Variants in GRHL2 observed in about 807,000 individuals in gnomAD.
GRHL2 encodes the protein grainyhead-like protein 2 homolog.
Under a neutral mutation model 83.8 loss-of-function variants are expected in GRHL2, and 21 were observed. The ratio of observed to expected loss-of-function variants is 0.25; its 90% confidence interval spans 0.18 to 0.36. The LOEUF (loss-of-function observed/expected upper bound fraction) is 0.36. GRHL2 is among the 10% of genes least tolerant of loss of function. The pLI is 1.00. For synonymous variants in GRHL2, 280 were observed against 278.9 expected, an observed-to-expected ratio of 1.00 and a Z score of -0.04; for missense variants, 623 against 781.8, an observed-to-expected ratio of 0.80 and a Z score of 2.42.
At chr8:101,677,405 A>G in the GRHL2 span, among the ~76,000 whole-genome samples, 1 of 151,854 alleles carries the variant, frequency 6.6e-6, no homozygotes, top group South Asian at 2.1e-4. Flanking sequence ...TTCTTTGCTA[A>G]TAACCCCGAC....
At chr8:101,549,854 A>G (rs1331916535) in intron 2 of GRHL2, among the ~76,000 whole-genome samples, 2 of 151,660 alleles carry the variant, frequency 1.3e-5, no homozygotes, top group African/African-American at 4.8e-5. Context: ...TCTGTCCTCT[A>G]GGCTTCCAGA....
In GRHL2 at chr8:101,592,972, A is replaced by T. The variant is rs547036637; in HGVS notation, c.1004-6085A>T. ...TCTTTTTGTTGTTGTTGTTGTTGAGATGGAGTCTCTGTCACCCAAGCTGGA... is the reference window on the plus strand; with the variant it reads ...TCTTTTTGTTGTTGTTGTTGTTGAGTTGGAGTCTCTGTCACCCAAGCTGGA... On this transcript the variant is annotated intron_variant, in intron 7 of 15. Transcript: ENST00000646743. Among the ~76,000 whole-genome samples the T allele has an allele frequency of 2.0e-4, 31 of 152,194 alleles. No homozygotes were observed. The South Asian group carries it at 6.4e-3, about 32-fold the overall frequency.
chr8:101,623,662 G>A (rs1813009460), intron 9 of GRHL2, among the ~76,000 whole-genome samples: 1 of 152,148 alleles, frequency 6.6e-6, no homozygotes, highest in Non-Finnish European at 1.5e-5. Context: ...ACAGTTCACA[G>A]TACACAGTAG....
At chr8:101,654,919 A>C (rs1486607866) in intron 14 of GRHL2, among the ~76,000 whole-genome samples, 2 of 152,212 alleles carry the variant, frequency 1.3e-5, no homozygotes, top group Admixed American at 6.5e-5. Flanking sequence ...GTAGTGGCTC[A>C]CACCTGTAAT....
chr8:101,536,885 G>T (rs1034542646), intron 1 of GRHL2, among the ~76,000 whole-genome samples: 1 of 152,064 alleles, frequency 6.6e-6, no homozygotes, highest in Admixed American at 6.6e-5. Context: ...ACTAAGCCTA[G>T]TACCCAATAG....
chr8:101,669,327 C>T lies in GRHL2; in HGVS notation c.*2624C>T, dbSNP rs1814158191. ...CTCATACATCTCCAAATTGTTTAAA[C>T]TTACTTTATGAGTGTTTGTTTAGAA... On this transcript the variant is annotated 3_prime_UTR_variant, in exon 16 of 16. Transcript: ENST00000646743. 1 of 142,158 alleles carries T rather than the reference C, an allele frequency of 7.0e-6. No individual in the cohort carries two copies. The highest frequency in any genetic ancestry group is 7.2e-5 in the Admixed American group (1 of 13,938). 8.8% of individuals were successfully genotyped at this position (142,158 alleles called of 1,614,324 possible).
chr8:101,652,309 AGT>A (rs1028281527), intron 14 of GRHL2, among the ~76,000 whole-genome samples: 6 of 139,318 alleles, frequency 4.3e-5, no homozygotes, highest in Admixed American at 1.5e-4. Flanking sequence ...GTATATTGGT[AGT>A]GTGTGTGCGT....
chr8:101,605,983 T>TTTCTG (rs1367484736), intron 8 of GRHL2, among the ~76,000 whole-genome samples: 2 of 152,236 alleles, frequency 1.3e-5, no homozygotes, highest in African/African-American at 4.8e-5. Context: ...TAGTATATTT[T>TTTCTG]TTCTGTTATG....
intron 7 of GRHL2, among the ~76,000 whole-genome samples, chr8:101,594,163 G>C (rs1206430340): frequency 6.6e-6 from 1 of 151,452 alleles, no homozygotes; most frequent in Admixed American, 6.6e-5. Context: ...GAAGACAGAA[G>C]CGGAGATCGG....
chr8:101,577,829 T>C lies in GRHL2; in HGVS notation c.1003+310T>C, dbSNP rs572231480. The stretch of plus-strand genomic sequence containing the variant: ...TCATGGCCTCCCCGTTTGAGCCTAG[T>C]AGGCAGTCAGCAGGTCAGATGAACT... On this transcript the variant is annotated intron_variant, in intron 7 of 15. Coordinates refer to ENST00000646743, the MANE Select transcript of GRHL2 (RefSeq NM_024915.4). 6.6e-5 allele frequency among the ~76,000 whole-genome samples: 10 copies of C among 152,350 alleles called. No homozygotes were observed. The South Asian group carries it at 1.9e-3, about 28-fold the overall frequency.
intron 9 of GRHL2, 58 bp from the exon 10 acceptor site, chr8:101,631,579 C>A: frequency 2.2e-6 from 3 of 1,362,666 alleles, no homozygotes; most frequent in Non-Finnish European, 3.1e-6. Context: ...TGTGACATGA[C>A]TTTTGCATGC....
At chr8:101,677,313 A>T in the GRHL2 span, among the ~76,000 whole-genome samples, 13 of 152,098 alleles carry the variant, frequency 8.5e-5, no homozygotes, top group African/African-American at 3.1e-4. Context: ...AAAGAACTTG[A>T]TGTCTGTTCT....
chr8:101,494,109 C>T (rs764527140), intron 1 of GRHL2, among the ~76,000 whole-genome samples: 1 of 152,094 alleles, frequency 6.6e-6, no homozygotes, highest in Non-Finnish European at 1.5e-5. Flanking sequence ...GCGGCCACCC[C>T]GAGGGGACCT....
At chr8:101,626,170 C>T (rs1194335283) in intron 9 of GRHL2, among the ~76,000 whole-genome samples, 5 of 151,964 alleles carry the variant, frequency 3.3e-5, no homozygotes, top group Non-Finnish European at 1.5e-5. Context: ...AGGGCTATTC[C>T]ATTTTAAAAC....
chr8:101,545,806 A>G (rs1459851486), intron 2 of GRHL2, among the ~76,000 whole-genome samples: 2 of 151,210 alleles, frequency 1.3e-5, no homozygotes, highest in African/African-American at 4.9e-5. Context: ...TTCAAAATCT[A>G]TAAATATATC....
the GRHL2 span, among the ~76,000 whole-genome samples, chr8:101,680,827 C>A: frequency 8.0e-6 from 1 of 125,294 alleles, no homozygotes; most frequent in Non-Finnish European, 1.6e-5. Flanking sequence ...TGAATGACTA[C>A]TGGGTACATA....
At chr8:101,637,240 G>A (rs1266400665) in intron 12 of GRHL2, among the ~76,000 whole-genome samples, 1 of 152,144 alleles carries the variant, frequency 6.6e-6, no homozygotes, top group Non-Finnish European at 1.5e-5. Context: ...TCCAGTTGGT[G>A]AAATCTTCTC....
intron 9 of GRHL2, among the ~76,000 whole-genome samples, chr8:101,623,854 A>ACACAGTAGGACAGTTTACAG (rs1563613282): frequency 1.5e-4 from 4 of 27,106 alleles, no homozygotes; most frequent in Admixed American, 5.0e-4. Context: ...ACAGTTTACA[A>ACACAGTAGGACAGTTTACAG]TACACAGTAG....
chr8:101,625,174 C>T (rs1410212384), intron 9 of GRHL2, among the ~76,000 whole-genome samples: 1 of 151,934 alleles, frequency 6.6e-6, no homozygotes, highest in East Asian at 1.9e-4. Context: ...TCCATGAATC[C>T]CCTTCTTGGA....
Sources: allele counts gnomAD v4.1 joint callset (sites outside exome capture counted in the v4.1 genomes callset), GRCh38; gene constraint gnomAD v4.1.1; transcripts MANE v1.5; gene names NCBI Gene and HGNC (gene_info 2026-07-23, HGNC 2026-07-21).